DNER: variants seen among roughly 807,000 people sequenced by gnomAD.
The protein encoded by DNER is delta/notch like EGF repeat containing, also known as delta and Notch-like epidermal growth factor-related receptor.
DNER carries 33 observed loss-of-function variants against 78.2 expected under a neutral mutation model. That is an observed-to-expected ratio of 0.42 (90% confidence interval 0.32 to 0.56). The LOEUF (loss-of-function observed/expected upper bound fraction) is 0.56, where lower values mean the gene tolerates loss of function less well. Ranked by LOEUF, DNER falls within the 20% of genes least tolerant of loss-of-function variation. The probability of loss-of-function intolerance (pLI) is 0.11; values close to 1 mark genes in which losing one functional copy is unlikely to be tolerated. For missense variants in DNER, 918 were observed against 975.3 expected (o/e 0.94, Z 0.78); for synonymous variants, 417 against 384.8 (o/e 1.08, Z -0.98).
chr2:229,629,911 C>A (rs2154215713), intron 1 of DNER, among the ~76,000 whole-genome samples: 1 of 152,300 alleles, frequency 6.6e-6, no homozygotes, highest in East Asian at 1.9e-4. Context: ...GACCAAGAAG[C>A]ATCCAACACA....
intron 1 of DNER, among the ~76,000 whole-genome samples, chr2:229,646,083 C>A (rs1466886909): frequency 6.6e-6 from 1 of 152,198 alleles, no homozygotes; most frequent in Non-Finnish European, 1.5e-5. Context: ...CTGAATCTAA[C>A]TTTTGGCAGC....
chr2:229,567,448 G>T (rs553859114), intron 4 of DNER, among the ~76,000 whole-genome samples: 1 of 152,192 alleles, frequency 6.6e-6, no homozygotes, highest in African/African-American at 2.4e-5. Context: ...TGACTATGGT[G>T]ATGGCAAATA....
At chr2:229,573,766 G>T (rs1439179863) in intron 4 of DNER, among the ~76,000 whole-genome samples, 1 of 152,114 alleles carries the variant, frequency 6.6e-6, no homozygotes. Context: ...CTAGAACTTG[G>T]CAATGTGATA....
chr2:229,452,467 T>C (rs1694477412), intron 7 of DNER, among the ~76,000 whole-genome samples: 1 of 151,990 alleles, frequency 6.6e-6, no homozygotes, highest in Admixed American at 6.6e-5. Flanking sequence ...GCAGGGTCTG[T>C]GGCAAACGGG....
chr2:229,478,069 T>C (rs917592576), intron 6 of DNER, among the ~76,000 whole-genome samples: 17 of 152,084 alleles, frequency 1.1e-4, no homozygotes, highest in African/African-American at 3.4e-4. Context: ...CATTATAAAG[T>C]GGAAAACGGT....
At chr2:229,422,824 G>A (rs1178797898) in intron 8 of DNER, among the ~76,000 whole-genome samples, 2 of 152,182 alleles carry the variant, frequency 1.3e-5, no homozygotes, top group Non-Finnish European at 2.9e-5. Context: ...CAGACCACAT[G>A]GGCAGGTGGA....
At chr2:229,660,301 A>G (rs184296379) in intron 1 of DNER, among the ~76,000 whole-genome samples, 3 of 152,038 alleles carry the variant, frequency 2.0e-5, no homozygotes, top group Admixed American at 6.6e-5. Context: ...AAAGGCCCCA[A>G]TGTGTGTCTT....
At chr2:229,645,469 G>C (rs1455555219) in intron 1 of DNER, among the ~76,000 whole-genome samples, 1 of 152,162 alleles carries the variant, frequency 6.6e-6, no homozygotes, top group Admixed American at 6.5e-5. Flanking sequence ...AAGTTCTTAT[G>C]AGCCCTAGAA....
At chr2:229,671,608 C>T (rs1486168684) in intron 1 of DNER, among the ~76,000 whole-genome samples, 2 of 152,206 alleles carry the variant, frequency 1.3e-5, no homozygotes, top group African/African-American at 2.4e-5. Flanking sequence ...CCACAAAGCA[C>T]AGTGTCCACA....
intron 4 of DNER, among the ~76,000 whole-genome samples, chr2:229,584,791 G>C (rs1697468445): frequency 1.3e-5 from 2 of 151,600 alleles, no homozygotes; most frequent in Admixed American, 1.3e-4. Context: ...AAAATTAGCT[G>C]AGCGTGATGG....
intron 11 of DNER, among the ~76,000 whole-genome samples, chr2:229,378,359 GAGA>G (rs1692655691): frequency 6.6e-6 from 1 of 152,212 alleles, no homozygotes; most frequent in African/African-American, 2.4e-5. Flanking sequence ...AGACCTGAAT[GAGA>G]AGAAGGCAGC....
At chr2:229,494,224 T>C (rs1274997680) in intron 6 of DNER, among the ~76,000 whole-genome samples, 1 of 152,240 alleles carries the variant, frequency 6.6e-6, no homozygotes, top group African/African-American at 2.4e-5. Flanking sequence ...CAACTCATTC[T>C]AGCATAATAC....
rs1016906104 is a variant in DNER at position 229,714,106 on chromosome 2, C to T, written c.276+42G>A. Reference sequence around the variant, plus strand: ...GGGCCGGCGGGAAGAGGCTGCTGGTCCCGGACCAGCGCCCCGCACCGCGCC... The same window carrying T: ...GGGCCGGCGGGAAGAGGCTGCTGGTTCCGGACCAGCGCCCCGCACCGCGCC... On this transcript the variant is annotated intron_variant, in intron 1 of 12. Transcript: ENST00000341772. 14 of 1,260,338 alleles carry T rather than the reference C, an allele frequency of 1.1e-5. No homozygotes were observed. In the South Asian group the frequency reaches 2.8e-4, roughly 25 times the overall value. 78.1% of individuals were successfully genotyped at this position (1,260,338 alleles called of 1,614,324 possible). A position where few individuals can be genotyped will look rare whatever the true frequency, so the allele number is the denominator to read the frequency against.
chr2:229,482,463 C>T (rs1477916618), intron 6 of DNER, among the ~76,000 whole-genome samples: 1 of 152,224 alleles, frequency 6.6e-6, no homozygotes, highest in African/African-American at 2.4e-5. Flanking sequence ...CTAAAAGATA[C>T]CGCACGGTGT....
chr2:229,563,734 A>C, intron 4 of DNER, among the ~76,000 whole-genome samples: 1 of 132,788 alleles, frequency 7.5e-6, no homozygotes, highest in Non-Finnish European at 1.6e-5. Flanking sequence ...CATCATCATC[A>C]CCCCATCACC....
At chr2:229,526,523 A>G (rs576460641) in intron 5 of DNER, among the ~76,000 whole-genome samples, 1 of 152,090 alleles carries the variant, frequency 6.6e-6, no homozygotes, top group East Asian at 1.9e-4. Flanking sequence ...TGGACAGGGT[A>G]GGGGGGTGGT....
chr2:229,607,676 C>A (rs1225007596), intron 1 of DNER, among the ~76,000 whole-genome samples: 2 of 152,008 alleles, frequency 1.3e-5, no homozygotes, highest in East Asian at 3.9e-4. Flanking sequence ...TGAGAGAGCA[C>A]AGAGATTTGC....
At chr2:229,498,276 C>T (rs1438577504) in intron 6 of DNER, among the ~76,000 whole-genome samples, 2 of 152,140 alleles carry the variant, frequency 1.3e-5, no homozygotes, top group Admixed American at 1.3e-4. Context: ...AGGAATGTAG[C>T]TCAACACGAT....
intron 1 of DNER, among the ~76,000 whole-genome samples, chr2:229,628,105 T>C (rs1426320837): frequency 2.6e-5 from 4 of 152,168 alleles, no homozygotes; most frequent in Non-Finnish European, 1.5e-5. Context: ...TTCCTGCCTC[T>C]TGGAAGACAG....
Sources: gnomAD v4.1 joint callset for allele counts (sites outside exome capture counted in the v4.1 genomes callset) on GRCh38, gnomAD v4.1.1 for gene constraint, MANE v1.5 for transcripts, NCBI Gene and HGNC (gene_info 2026-07-23, HGNC 2026-07-21) for gene names.